AFAP1L1: variants seen among roughly 807,000 people sequenced by gnomAD.
The protein encoded by AFAP1L1 is actin filament-associated protein 1-like 1.
In AFAP1L1, 77 loss-of-function variants were observed where a neutral mutation model predicts 99.8. That is an observed-to-expected ratio of 0.77 (90% confidence interval 0.64 to 0.93). The LOEUF (loss-of-function observed/expected upper bound fraction) is 0.93. AFAP1L1 is among the 40% of genes least tolerant of loss of function. The probability of loss-of-function intolerance (pLI) is 0.00; values close to 1 mark genes in which losing one functional copy is unlikely to be tolerated. For missense variants in AFAP1L1, 893 were observed against 996.8 expected, an observed-to-expected ratio of 0.90 and a Z score of 1.40; for synonymous variants, 373 against 395.3, an observed-to-expected ratio of 0.94 and a Z score of 0.67.
chr5:149,324,264 G>C (rs574335785), intron 15 of AFAP1L1, among the ~76,000 whole-genome samples: 1 of 152,334 alleles, frequency 6.6e-6, no homozygotes, highest in African/African-American at 2.4e-5. Flanking sequence ...TGGAGGCTGG[G>C]AAGTCTGAGA....
intron 15 of AFAP1L1, among the ~76,000 whole-genome samples, chr5:149,328,491 A>G (rs1757155907): frequency 6.6e-6 from 1 of 152,122 alleles, no homozygotes. Flanking sequence ...CAGTTTCCTC[A>G]ACAATAAAAG....
chr5:149,335,352 G>C (rs1336160670), intron 17 of AFAP1L1, among the ~76,000 whole-genome samples: 1 of 152,102 alleles, frequency 6.6e-6, no homozygotes. Flanking sequence ...GCCAGGCCTG[G>C]TGGTACACAC....
chr5:149,312,268 C>G, intron 9 of AFAP1L1, 64 bp downstream of exon 9: 1 of 1,515,780 alleles, frequency 6.6e-7, no homozygotes. Context: ...GGGCTCAACC[C>G]CAGGGGAACT....
Position 149,296,043 on chromosome 5 carries a change from A to AT in AFAP1L1, c.17-3458dup, listed in dbSNP as rs1008367791. 1.6e-4 allele frequency among the ~76,000 whole-genome samples: 24 copies of AT among 152,180 alleles called. No homozygotes were observed. The South Asian group carries it at 2.3e-3, about 14-fold the overall frequency. On this transcript the variant is annotated intron_variant, in intron 1 of 18. Transcript: ENST00000296721. ...CAAAAGCAATTTGGAGTCCTCAACA[A>AT]TTTTTTTTAAGAACGGGTTTTGCTC...
chr5:149,317,607 C>T, intron 11 of AFAP1L1, 122 bp from the exon 12 acceptor site: 1 of 982,818 alleles, frequency 1.0e-6, no homozygotes, highest in Non-Finnish European at 1.5e-6. Context: ...CCTGAGGTCA[C>T]AGGGGAAAGA....
intron 1 of AFAP1L1, 103 bp downstream of exon 1, chr5:149,272,087 G>A: frequency 1.7e-6 from 2 of 1,148,894 alleles, no homozygotes; most frequent in Admixed American, 8.6e-5. Context: ...CGGGCGGTGG[G>A]GCGGGGGCTG....
intron 18 of AFAP1L1, among the ~76,000 whole-genome samples, chr5:149,336,743 G>A (rs573028537): frequency 6.6e-6 from 1 of 152,196 alleles, no homozygotes; most frequent in African/African-American, 2.4e-5. Context: ...ATCCATGAAC[G>A]GATTAATCCA....
chr5:149,276,350 G>A lies in AFAP1L1; in HGVS notation c.16+4366G>A, dbSNP rs1442594524. Among the ~76,000 whole-genome samples, 7 of 152,218 alleles carry A rather than the reference G, an allele frequency of 4.6e-5. 1 individual carries two copies. The highest frequency in any genetic ancestry group is 3.9e-4 in the Admixed American group (6 of 15,284). On this transcript the variant is annotated intron_variant, in intron 1 of 18. Coordinates refer to ENST00000296721, the MANE Select transcript of AFAP1L1 (RefSeq NM_152406.4). Reference sequence around the variant, plus strand: ...ATGGGGAGAGAAAAGGATTCATAAAGCACAGTAACAAACATAGAAACCACT... The same window carrying A: ...ATGGGGAGAGAAAAGGATTCATAAAACACAGTAACAAACATAGAAACCACT...
intron 17 of AFAP1L1, among the ~76,000 whole-genome samples, chr5:149,333,350 A>T (rs1245614878): frequency 6.6e-6 from 1 of 152,328 alleles, no homozygotes; most frequent in East Asian, 1.9e-4. Flanking sequence ...GGGAGACGGG[A>T]TTCCAAACCC....
intron 18 of AFAP1L1, among the ~76,000 whole-genome samples, chr5:149,339,473 T>G (rs1757500233): frequency 6.6e-6 from 1 of 152,228 alleles, no homozygotes; most frequent in African/African-American, 2.4e-5. Flanking sequence ...ATTACAGGCA[T>G]GAGCCACGGC....
chr5:149,286,051 C>A (rs1755669800), intron 1 of AFAP1L1, among the ~76,000 whole-genome samples: 1 of 152,208 alleles, frequency 6.6e-6, no homozygotes, highest in South Asian at 2.1e-4. Context: ...ACAGGGGAAT[C>A]TCACCTGTCC....
chr5:149,294,022 A>G (rs969935763), intron 1 of AFAP1L1, among the ~76,000 whole-genome samples: 6 of 152,190 alleles, frequency 3.9e-5, no homozygotes, highest in Admixed American at 1.3e-4. Flanking sequence ...TCCTATTCCC[A>G]CCTTGATTCT....
chr5:149,284,160 G>A (rs1349674437), intron 1 of AFAP1L1, among the ~76,000 whole-genome samples: 1 of 152,246 alleles, frequency 6.6e-6, no homozygotes, highest in Non-Finnish European at 1.5e-5. Context: ...CAAAAGAGCA[G>A]ATGGAGGTGA....
chr5:149,283,362 A>G (rs969023453), intron 1 of AFAP1L1, among the ~76,000 whole-genome samples: 1 of 152,228 alleles, frequency 6.6e-6, no homozygotes, highest in Non-Finnish European at 1.5e-5. Context: ...TGGCTGGGAC[A>G]CATTGTTGAT....
intron 1 of AFAP1L1, among the ~76,000 whole-genome samples, chr5:149,290,722 AT>A (rs939753281): frequency 2.5e-4 from 38 of 149,694 alleles, no homozygotes; most frequent in African/African-American, 7.4e-4. Context: ...TTGTTGCCTG[AT>A]TTTTTTTTTC....
intron 13 of AFAP1L1, 55 bp downstream of exon 13, chr5:149,319,782 C>T: frequency 6.3e-7 from 1 of 1,591,146 alleles, no homozygotes; most frequent in Admixed American, 1.8e-5. Context: ...GTCTCCATCC[C>T]TCTCAGAGGC....
At chr5:149,338,617 C>G (rs1286177965) in intron 18 of AFAP1L1, among the ~76,000 whole-genome samples, 1 of 152,194 alleles carries the variant, frequency 6.6e-6, no homozygotes, top group Non-Finnish European at 1.5e-5. Flanking sequence ...CAGTCTTGTT[C>G]TAGTTTCTGG....
chr5:149,328,859 C>G (rs1029146254), intron 15 of AFAP1L1, among the ~76,000 whole-genome samples: 1 of 152,092 alleles, frequency 6.6e-6, no homozygotes, highest in Admixed American at 6.6e-5. Flanking sequence ...AGTGGAAATG[C>G]AAGTGAATGG....
At chr5:149,322,062 C>G (rs988727217) in intron 14 of AFAP1L1, among the ~76,000 whole-genome samples, 3 of 152,206 alleles carry the variant, frequency 2.0e-5, no homozygotes, top group African/African-American at 7.2e-5. Context: ...GTAGATAGTA[C>G]TGTTGTTGAC....
Sources: allele counts gnomAD v4.1 joint callset (sites outside exome capture counted in the v4.1 genomes callset), GRCh38; gene constraint gnomAD v4.1.1; transcripts MANE v1.5; gene names NCBI Gene and HGNC (gene_info 2026-07-23, HGNC 2026-07-21).